The following CIMAP1A variants were observed in gnomAD, a reference collection of about 807,000 sequenced individuals.
CIMAP1A encodes ciliary microtubule associated protein 1A.
the CIMAP1A span, chr11:199,828 C>T: frequency 6.7e-7 from 1 of 1,488,760 alleles, no homozygotes; most frequent in Non-Finnish European, 8.9e-7. Context: ...GGGAGCATAG[C>T]TTCTGGCCAC....
the CIMAP1A span, chr11:198,837 A>G: frequency 7.3e-7 from 1 of 1,367,662 alleles, no homozygotes; most frequent in Non-Finnish European, 9.4e-7. Context: ...TTTAGGAAGC[A>G]CTGTCTGGAG....
At chr11:198,192 T>C in the CIMAP1A span, 1 of 1,612,942 alleles carries the variant, frequency 6.2e-7, no homozygotes, top group African/African-American at 1.3e-5. Flanking sequence ...CTTGGCTCCT[T>C]GTCCAGGTGA....
chr11:199,898 G>T, the CIMAP1A span: 62 of 1,607,390 alleles, frequency 3.9e-5, no homozygotes, highest in Non-Finnish European at 5.2e-5. Context: ...AGACCTGCAG[G>T]TGGGGGCAGG....
At chr11:197,319 A>T in the CIMAP1A span, 1 of 1,582,880 alleles carries the variant, frequency 6.3e-7, no homozygotes. Flanking sequence ...CGGAGGAGGT[A>T]TGGATGGGTA....
the CIMAP1A span, chr11:198,180 C>T: frequency 6.2e-7 from 1 of 1,610,926 alleles, no homozygotes. Context: ...CCCAGCAGCC[C>T]CCTTGGCTCC....
At chr11:199,214 T>C in the CIMAP1A span, 1 of 1,455,598 alleles carries the variant, frequency 6.9e-7, no homozygotes, top group South Asian at 1.4e-5. Flanking sequence ...TGGGGTGTGA[T>C]CTCCACAGTG....
the CIMAP1A span, chr11:198,560 G>C: frequency 6.2e-7 from 1 of 1,610,786 alleles, no homozygotes; most frequent in Non-Finnish European, 8.5e-7. Flanking sequence ...AGCAAGCTGG[G>C]CGGCTTCAGC....
the CIMAP1A span, chr11:197,394 C>T: frequency 1.2e-6 from 2 of 1,601,388 alleles, no homozygotes; most frequent in Non-Finnish European, 1.7e-6. Context: ...GACCCAAGTA[C>T]CTGATTCCAC....
the CIMAP1A span, chr11:199,900 G>C: frequency 4.6e-3 from 7,467 of 1,607,480 alleles, 16 homozygotes; most frequent in Non-Finnish European, 5.7e-3. Flanking sequence ...ACCTGCAGGT[G>C]GGGGCAGGGG....
At chr11:197,325 G>A in the CIMAP1A span, 3 of 1,585,612 alleles carry the variant, frequency 1.9e-6, no homozygotes, top group Non-Finnish European at 8.6e-7. Context: ...AGGTATGGAT[G>A]GGTACCTGGA....
At chr11:199,929 C>G in the CIMAP1A span, 55 of 1,613,590 alleles carry the variant, frequency 3.4e-5, no homozygotes, top group East Asian at 1.2e-3. Context: ...CCTATCATAG[C>G]CCCTCCTCTC....
At chr11:197,150 C>G in the CIMAP1A span, 1 of 545,286 alleles carries the variant, frequency 1.8e-6, no homozygotes, top group Non-Finnish European at 3.2e-6. Context: ...ACTCCTGGCT[C>G]CCAGCTGGAG....
At chr11:197,216 A>G in the CIMAP1A span, 9 of 862,896 alleles carry the variant, frequency 1.0e-5, no homozygotes, top group South Asian at 1.6e-4. Context: ...TGTCAGCAAG[A>G]GCAGGGTCGG....
At chr11:198,936 G>C in the CIMAP1A span, 8 of 1,196,670 alleles carry the variant, frequency 6.7e-6, no homozygotes, top group East Asian at 4.5e-5. Context: ...GAGGGTCCTG[G>C]TTTCAGAAAC....
At chr11:200,028 G>A in the CIMAP1A span, 1 of 1,613,944 alleles carries the variant, frequency 6.2e-7, no homozygotes, top group Non-Finnish European at 8.5e-7. Flanking sequence ...GGTTGATGTG[G>A]AATAACGCCA....
chr11:199,795 C>G, the CIMAP1A span: 1 of 1,452,252 alleles, frequency 6.9e-7, no homozygotes, highest in Non-Finnish European at 9.0e-7. Flanking sequence ...GCTACTACTG[C>G]TGAGTGCTCT....
chr11:199,891 C>A, the CIMAP1A span: 104,253 of 1,602,506 alleles, frequency 0.065, 7,581 homozygotes, highest in East Asian at 0.41. Flanking sequence ...AGGGCAGAGA[C>A]CTGCAGGTGG....
chr11:198,068 C>G, the CIMAP1A span: 3 of 1,545,634 alleles, frequency 1.9e-6, no homozygotes, highest in East Asian at 4.9e-5. Context: ...CCCCCTGACC[C>G]GACTTGGTCA....
the CIMAP1A span, chr11:198,591 G>A: frequency 2.5e-6 from 4 of 1,601,650 alleles, no homozygotes; most frequent in East Asian, 2.2e-5. Context: ...ACAAGGCAAG[G>A]GCCACCCCAA....
Sources: allele counts gnomAD v4.1 joint callset, GRCh38; gene constraint gnomAD v4.1.1; transcripts MANE v1.5; gene names NCBI Gene and HGNC (gene_info 2026-07-23, HGNC 2026-07-21).